The following FBXL17 variants were observed in gnomAD, a reference collection of about 807,000 sequenced individuals.
FBXL17 encodes the protein F-box/LRR-repeat protein 17.
A neutral mutation model predicts 66.2 loss-of-function variants in FBXL17; 22 were observed. The ratio of observed to expected loss-of-function variants is 0.33; its 90% CI spans 0.24 to 0.47. The LOEUF is 0.47. Among genes scored for constraint, FBXL17 ranks in the 20% least tolerant of loss-of-function variants. FBXL17 has a pLI of 1.00. For missense variants in FBXL17, 878 were observed against 948.2 expected (o/e 0.93, Z 0.97); for synonymous variants, 474 against 400.5 (o/e 1.18, Z -2.19).
At chr5:108,299,243 A>C (rs1346100168) in intron 4 of FBXL17, 1 of 985,064 alleles carries the variant, frequency 1.0e-6, no homozygotes, top group Non-Finnish European at 1.2e-6. Flanking sequence ...CCCAATCTGC[A>C]CCTAGTTTAA....
chr5:108,008,809 C>T (rs1296843239), intron 7 of FBXL17, among the ~76,000 whole-genome samples: 2 of 152,062 alleles, frequency 1.3e-5, no homozygotes, highest in Non-Finnish European at 2.9e-5. Context: ...ATAAGGCTGA[C>T]TTCGGAGAGA....
chr5:108,082,560 A>G (rs1748810782), intron 6 of FBXL17, among the ~76,000 whole-genome samples: 1 of 152,188 alleles, frequency 6.6e-6, no homozygotes, highest in Admixed American at 6.5e-5. Flanking sequence ...ACATTTTACA[A>G]AGTAGCAGGC....
At chr5:108,194,036 A>G (rs181496197) in intron 5 of FBXL17, among the ~76,000 whole-genome samples, 123 of 152,228 alleles carry the variant, frequency 8.1e-4, no homozygotes, top group African/African-American at 2.9e-3. Context: ...TTCTTGAAAC[A>G]ACTTTGATCA....
intron 8 of FBXL17, chr5:107,880,567 T>C: frequency 9.8e-7 from 1 of 1,019,594 alleles, no homozygotes; most frequent in Admixed American, 5.4e-5. Flanking sequence ...ACTGGCCCTT[T>C]GTTGGTCCCG....
rs148783756 is a variant in FBXL17 at position 107,912,592 on chromosome 5, T to C, written c.1823-31413A>G. ...TATTTACACTCTGATACTATTTACA[T>C]AATAAAAACAAAATACGATAAATTT... On this transcript the variant is annotated intron_variant, in intron 7 of 8. Coordinates refer to ENST00000542267, the MANE Select transcript of FBXL17 (RefSeq NM_001163315.3). 5.6e-3 allele frequency among the ~76,000 whole-genome samples: 858 copies of C among 152,192 alleles called. 8 individuals are homozygous for C. The highest frequency in any genetic ancestry group is 0.02 in the African/African-American group (817 of 41,544).
At chr5:108,059,029 T>C (rs529198537) in intron 6 of FBXL17, among the ~76,000 whole-genome samples, 2 of 152,308 alleles carry the variant, frequency 1.3e-5, no homozygotes, top group African/African-American at 2.4e-5. Flanking sequence ...ACAATGCATA[T>C]ATGACCATAG....
chr5:107,944,946 G>A (rs910745290), intron 7 of FBXL17, among the ~76,000 whole-genome samples: 1 of 151,942 alleles, frequency 6.6e-6, no homozygotes. Context: ...TGAAAAATTT[G>A]TTCATTGAGA....
chr5:107,930,343 T>G (rs1013614190), intron 7 of FBXL17, among the ~76,000 whole-genome samples: 1 of 152,204 alleles, frequency 6.6e-6, no homozygotes, highest in African/African-American at 2.4e-5. Context: ...TTCTCTCAGT[T>G]TCTTTACCCA....
chr5:108,177,310 T>C (rs1198259995), intron 6 of FBXL17, among the ~76,000 whole-genome samples: 2 of 152,204 alleles, frequency 1.3e-5, no homozygotes, highest in Admixed American at 1.3e-4. Context: ...ATGGGGTTAA[T>C]TGGAAAAATT....
intron 4 of FBXL17, among the ~76,000 whole-genome samples, chr5:108,331,945 G>A (rs900101478): frequency 7.2e-5 from 11 of 152,160 alleles, no homozygotes; most frequent in Non-Finnish European, 8.8e-5. Context: ...AATTTGATGT[G>A]AAAATATAGT....
chr5:108,259,712 G>T (rs1561492659), intron 4 of FBXL17, among the ~76,000 whole-genome samples: 2 of 152,040 alleles, frequency 1.3e-5, no homozygotes, highest in Admixed American at 1.3e-4. Context: ...AAAACGAAAA[G>T]CAAAAGGAAG....
At chr5:108,063,828 T>C (rs1010711272) in intron 6 of FBXL17, among the ~76,000 whole-genome samples, 6 of 152,122 alleles carry the variant, frequency 3.9e-5, no homozygotes, top group Admixed American at 3.3e-4. Context: ...TTTTTTGTTT[T>C]CTTGGATGAA....
chr5:108,009,300 T>TATATAC (rs1554056634), intron 7 of FBXL17, among the ~76,000 whole-genome samples: 9 of 63,274 alleles, frequency 1.4e-4, no homozygotes, highest in Non-Finnish European at 1.8e-4. Flanking sequence ...TATATATATA[T>TATATAC]ACATATATAC....
At chr5:108,264,597 T>C (rs1048411530) in intron 4 of FBXL17, among the ~76,000 whole-genome samples, 1 of 152,152 alleles carries the variant, frequency 6.6e-6, no homozygotes, top group African/African-American at 2.4e-5. Context: ...CAATTAAAAA[T>C]AAATTAAAAT....
intron 6 of FBXL17, among the ~76,000 whole-genome samples, chr5:108,145,821 C>CAATAATAATAATAATAAT (rs139233106): frequency 8.9e-5 from 13 of 146,154 alleles, no homozygotes; most frequent in Admixed American, 2.7e-4. Flanking sequence ...GTTGCCTAAA[C>CAATAATAATAATAATAAT]AATAATAATA....
chr5:107,870,673 C>A (rs1051959726), intron 8 of FBXL17, among the ~76,000 whole-genome samples: 1 of 151,796 alleles, frequency 6.6e-6, no homozygotes, highest in South Asian at 2.1e-4. Context: ...GCAACCTCCG[C>A]CTCCTGGGTC....
chr5:107,873,242 T>C (rs1276263442), intron 8 of FBXL17, among the ~76,000 whole-genome samples: 1 of 152,220 alleles, frequency 6.6e-6, no homozygotes, highest in African/African-American at 2.4e-5. Context: ...CATTTAAAAA[T>C]AAATAATCAG....
At chr5:108,048,830 G>A (rs1747360735) in intron 6 of FBXL17, among the ~76,000 whole-genome samples, 1 of 152,124 alleles carries the variant, frequency 6.6e-6, no homozygotes, top group African/African-American at 2.4e-5. Context: ...ACCTGGGATT[G>A]ACTGGAGTAC....
At chr5:108,128,361 C>T (rs1580481388) in intron 6 of FBXL17, among the ~76,000 whole-genome samples, 1 of 151,968 alleles carries the variant, frequency 6.6e-6, no homozygotes, top group African/African-American at 2.4e-5. Context: ...GGCCAATGTT[C>T]CTCATTTGAG....
Sources: gnomAD v4.1 joint callset for allele counts (sites outside exome capture counted in the v4.1 genomes callset) on GRCh38, gnomAD v4.1.1 for gene constraint, MANE v1.5 for transcripts, NCBI Gene and HGNC (gene_info 2026-07-23, HGNC 2026-07-21) for gene names.